The following PIK3C2B variants were observed in gnomAD, a reference collection of about 807,000 sequenced individuals.
PIK3C2B encodes the protein phosphatidylinositol 4-phosphate 3-kinase C2 domain-containing subunit beta.
A neutral mutation model predicts 184.3 loss-of-function variants in PIK3C2B; 83 were observed. The observed-to-expected ratio is 0.45, with a 90% CI of 0.38 to 0.54. The LOEUF (loss-of-function observed/expected upper bound fraction) is 0.54. Ranked by LOEUF, PIK3C2B falls within the 20% of genes least tolerant of loss-of-function variation. The pLI is 0.00. For missense variants in PIK3C2B, 1,736 were observed against 2,113.5 expected, an observed-to-expected ratio of 0.82 and a Z score of 3.50; for synonymous variants, 779 against 837.6, an observed-to-expected ratio of 0.93 and a Z score of 1.21.
At position 204,432,217 on chromosome 1, in the gene PIK3C2B, G is replaced by A. The variant is rs2103469910; in HGVS notation, c.4138C>T (p.His1380Tyr). The change falls in exon 27 of 33, where the codon CAC becomes TAC. Residue 1380 changes from histidine (H) to tyrosine (Y), a missense_variant. Physicochemically the swap from His to Tyr is moderately conservative, Grantham distance 83. This residue lies in a region of PIK3C2B where 200 missense variants were observed against 199.1 expected (regional missense o/e 1.00). Transcript: ENST00000684373. ...ACACTTACATAGCCTTTGTTGGGGT[G>A]GAAGATCTTCTCATGGCGGCAGAGG... is the stretch of plus-strand genomic sequence containing the variant. ...VFLCRHEKIF[H>Y]PNKGYIYVVK... 6.2e-7 allele frequency: 1 copy of A among 1,613,906 alleles called. No individual in the cohort carries two copies. The highest frequency in any genetic ancestry group is 1.3e-5 in the African/African-American group (1 of 75,026).
Position 204,433,990 on chromosome 1 carries a change from G to A in PIK3C2B, c.3687-41C>T. 1 of 1,571,648 alleles carries A rather than the reference G, an allele frequency of 6.4e-7. No individual in the cohort carries two copies. The highest frequency in any genetic ancestry group is 1.1e-5 in the South Asian group (1 of 90,024). On this transcript the variant is annotated intron_variant, in intron 24 of 32. Coordinates refer to ENST00000684373, the MANE Select transcript of PIK3C2B (RefSeq NM_001377334.1). The surrounding 1 kb of genome is among the most constrained non-coding windows in gnomAD (Gnocchi z 5.0). ...CATACAGGTAGAAGGTCAACATGGA[G>A]GAGGAAGCCCACCATATGGGCTGCA...
At chr1:204,432,551 T>C (rs2103470430) in intron 26 of PIK3C2B, 150 bp from the exon 27 acceptor site, 1 of 660,802 alleles carries the variant, frequency 1.5e-6, no homozygotes, top group South Asian at 1.8e-5. Context: ...ATAAAGCAAA[T>C]GACTGGCACA....
chr1:204,439,758 C>T (rs1387950265), intron 22 of PIK3C2B, among the ~76,000 whole-genome samples: 1 of 152,110 alleles, frequency 6.6e-6, no homozygotes, highest in Non-Finnish European at 1.5e-5. Flanking sequence ...CCTCAGCCTC[C>T]CGAGGAGGTG....
intron 1 of PIK3C2B, among the ~76,000 whole-genome samples, chr1:204,482,367 T>C (rs4951382): frequency 0.62 from 94,463 of 152,154 alleles, 31,302 homozygotes; most frequent in Non-Finnish European, 0.72. Flanking sequence ...CCTCCATTCT[T>C]CCTGGTAGCA....
At chr1:204,449,328 A>G (rs1267487311) in intron 13 of PIK3C2B, 32 bp from the exon 14 acceptor site, 2 of 1,509,776 alleles carry the variant, frequency 1.3e-6, no homozygotes, top group East Asian at 2.3e-5. Context: ...AAGAGCTGCT[A>G]AAGTGGCTAA....
At chr1:204,460,451 G>T (rs1467877355) in intron 6 of PIK3C2B, 48 bp from the exon 7 acceptor site, 1 of 1,549,010 alleles carries the variant, frequency 6.5e-7, no homozygotes, top group Admixed American at 1.7e-5. Context: ...CCTTATCTCA[G>T]CTCAGCACTC....
chr1:204,478,710 C>A (rs536127955), intron 1 of PIK3C2B, among the ~76,000 whole-genome samples: 1 of 152,218 alleles, frequency 6.6e-6, no homozygotes, highest in Non-Finnish European at 1.5e-5. Flanking sequence ...CATGGTCTGG[C>A]ATTTCCTACC....
At position 204,427,635 on chromosome 1, in the gene PIK3C2B, T is replaced by C. The variant is rs372530561; in HGVS notation, c.4587+13A>G. On this transcript the variant is annotated intron_variant, in intron 31 of 32. Coordinates refer to ENST00000684373, the MANE Select transcript of PIK3C2B (RefSeq NM_001377334.1). ...TAAAAAAGAAAAAAAATCACGGCTG[T>C]GCAGGCACTTACCAAGCCCCGAATA... The C allele has an allele frequency of 1.3e-6, 2 of 1,559,954 alleles. No individual in the cohort carries two copies. Among genetic ancestry groups the C allele is most frequent in the South Asian group, 2.2e-5 (2 of 90,010 alleles).
At chr1:204,488,150 G>T (rs1484609381) in intron 1 of PIK3C2B, among the ~76,000 whole-genome samples, 1 of 152,168 alleles carries the variant, frequency 6.6e-6, no homozygotes, top group African/African-American at 2.4e-5. Context: ...GTAAGTGGTG[G>T]AGCCAGGCTT....
chr1:204,481,012 T>G (rs1294478487), intron 1 of PIK3C2B, among the ~76,000 whole-genome samples: 3 of 152,058 alleles, frequency 2.0e-5, no homozygotes, highest in Non-Finnish European at 4.4e-5. Context: ...CTTGGGGGCC[T>G]GAAGCCATAG....
intron 1 of PIK3C2B, among the ~76,000 whole-genome samples, chr1:204,474,680 T>C (rs916892142): frequency 5.9e-5 from 9 of 152,036 alleles, no homozygotes; most frequent in Non-Finnish European, 1.2e-4. Flanking sequence ...CTGTTAACTC[T>C]ACCCCCTCTG....
rs776336475 is a variant in PIK3C2B, at chr1:204,443,488, G to C, written c.2977C>G (p.Gln993Glu). The C allele has an allele frequency of 1.2e-6, 2 of 1,614,120 alleles. No individual in the cohort carries two copies. The highest frequency in any genetic ancestry group is 1.7e-6 in the Non-Finnish European group (2 of 1,180,050). ...GCCAGGGCATTGACAAGCCAGCACT[G>C]GCGGTTAAACTCTTCTCTCAGCCCC... ...GKGLREEFNRQCWLVNALAKL... is the reference protein window; with the variant it reads ...GKGLREEFNRECWLVNALAKL... The change falls in exon 19 of 33, where the codon CAG (glutamine) becomes GAG (glutamate). Residue 993 changes from glutamine (Q) to glutamate (E), a missense_variant. Gln to Glu is a conservative substitution (Grantham distance 29, BLOSUM62 2). This residue lies in a region of PIK3C2B where 289 missense variants were observed against 380.4 expected (regional missense o/e 0.76). Transcript: ENST00000684373.
At chr1:204,440,745 T>C (rs891499598) in intron 21 of PIK3C2B, among the ~76,000 whole-genome samples, 4 of 147,164 alleles carry the variant, frequency 2.7e-5, no homozygotes, top group Non-Finnish European at 3.0e-5. Context: ...TACAGGTGCC[T>C]GCCACCACGC....
Position 204,431,778 on chromosome 1 carries a change from C to A in PIK3C2B, c.4171G>T (p.Val1391Leu). ...GCCTCGTGAGTGTTCTCTCGCATCA[C>A]CTTTACCACATATATCTGCAAAGGT... ...PNKGYIYVVK[V>L]MRENTHEATY... is the part of the protein sequence containing the mutation. The change falls in exon 28 of 33, where the codon GTG (valine) becomes TTG (leucine). Residue 1391 changes from valine to leucine, a missense_variant. Physicochemically the swap from Val to Leu is conservative, Grantham distance 32 (BLOSUM62 1). Transcript: ENST00000684373. 1.2e-6 allele frequency: 2 copies of A among 1,614,198 alleles called. No homozygotes were observed. The highest frequency in any genetic ancestry group is 8.5e-7 in the Non-Finnish European group (1 of 1,180,040).
At position 204,424,534 on chromosome 1, in the gene PIK3C2B, C is replaced by A; in HGVS notation, c.*318G>T. 3 of 289,654 alleles carry A rather than the reference C, an allele frequency of 1.0e-5. No homozygotes were observed. Among genetic ancestry groups the A allele is most frequent in the Non-Finnish European group, 2.0e-5 (3 of 147,754 alleles). 17.9% of individuals were successfully genotyped at this position (289,654 alleles called of 1,614,324 possible). A position where few individuals can be genotyped will look rare whatever the true frequency, so the allele number is the denominator to read the frequency against. ...CCACCCACCCACCCCCAAAATGCTA[C>A]TTCATACAGCCCACCCCACACACTC... On this transcript the variant is annotated 3_prime_UTR_variant, in exon 33 of 33. Transcript: ENST00000684373.
At chr1:204,437,349 G>A (rs776686271) in intron 23 of PIK3C2B, among the ~76,000 whole-genome samples, 2 of 152,120 alleles carry the variant, frequency 1.3e-5, no homozygotes, top group African/African-American at 2.4e-5. Flanking sequence ...ATGAAAATTC[G>A]CTGGGCATGG....
chr1:204,466,665 G>T, intron 2 of PIK3C2B: 2 of 390,540 alleles, frequency 5.1e-6, no homozygotes, highest in Non-Finnish European at 1.0e-5. Flanking sequence ...AGTGGGGGGA[G>T]GGAAGAGAAG....
At position 204,457,764 on chromosome 1, in the gene PIK3C2B, G is replaced by C. The variant is rs767549344; in HGVS notation, c.1677C>G (p.Pro559=). Residue 559 remains proline, a synonymous_variant, in exon 9 of 33, where the codon CCC becomes CCG. Transcript: ENST00000684373. The stretch of plus-strand genomic sequence containing the variant: ...TAGGCTGCATGCGGGAGGGGCAGGG[G>C]GGCAGCTGGTTGAGAGCACTGGTGA... ...PEITSALNQL[P]PCPSRMQPKI... 6.2e-6 allele frequency: 10 copies of C among 1,612,590 alleles called. No individual in the cohort carries two copies. The Admixed American group carries it at 1.5e-4, about 24-fold the overall frequency.
chr1:204,460,983 G>T (rs61761716), intron 5 of PIK3C2B, among the ~76,000 whole-genome samples: 658 of 152,254 alleles, frequency 4.3e-3, no homozygotes, highest in Middle Eastern at 0.01. Flanking sequence ...GGAAACAGAG[G>T]CACATCACAG....
Sources: gnomAD v4.1 joint callset for allele counts (sites outside exome capture counted in the v4.1 genomes callset) on GRCh38, gnomAD v4.1.1 for gene constraint, gnomAD v4.1.1 regional missense constraint, Gnocchi (gnomAD v3.1) non-coding constraint, MANE v1.5 for transcripts, NCBI Gene and HGNC (gene_info 2026-07-23, HGNC 2026-07-21) for gene names.